Variants in PTPRN2 observed in about 807,000 individuals in gnomAD.
PTPRN2 encodes the protein receptor-type tyrosine-protein phosphatase N2.
PTPRN2 carries 74 observed loss-of-function variants against 118.8 expected under a neutral mutation model. The observed-to-expected ratio is 0.62, with a 90% confidence interval of 0.52 to 0.76. The LOEUF (loss-of-function observed/expected upper bound fraction) is 0.76. Among genes scored for constraint, PTPRN2 ranks in the 30% least tolerant of loss-of-function variants. PTPRN2 has a pLI of 0.00. For missense variants in PTPRN2, 1,481 were observed against 1,394.4 expected, an observed-to-expected ratio of 1.06 and a Z score of -0.99; for synonymous variants, 641 against 608.0, an observed-to-expected ratio of 1.05 and a Z score of -0.80.
Position 158,115,898 on chromosome 7 carries a change from C to T in PTPRN2, c.1557-4983G>A, listed in dbSNP as rs76844123. Among the ~76,000 whole-genome samples the T allele has an allele frequency of 5.1e-3, 775 of 152,308 alleles. 25 individuals carry two copies. In the East Asian group the frequency reaches 0.098, roughly 19 times the overall value. ...GACTGGGTGGGCCCTCAACTGTCTG[C>T]ACTGAGCCCATCCCTCACACTCCAC... is the stretch of plus-strand genomic sequence containing the variant. On this transcript the variant is annotated intron_variant, in intron 9 of 22. Transcript: ENST00000389418.
At chr7:158,479,070 G>A (rs1586765356) in intron 2 of PTPRN2, among the ~76,000 whole-genome samples, 1 of 152,116 alleles carries the variant, frequency 6.6e-6, no homozygotes, top group Non-Finnish European at 1.5e-5. Context: ...TGTTTCGGGG[G>A]CAGAAGAGGT....
chr7:157,741,556 G>A (rs887414600), intron 12 of PTPRN2, among the ~76,000 whole-genome samples: 8 of 152,184 alleles, frequency 5.3e-5, no homozygotes, highest in Admixed American at 1.3e-4. Flanking sequence ...CCCCGGAGAC[G>A]CTCTCTTCCT....
At chr7:158,262,590 T>G (rs1314194382) in intron 3 of PTPRN2, among the ~76,000 whole-genome samples, 2 of 88,352 alleles carry the variant, frequency 2.3e-5, no homozygotes, top group African/African-American at 9.8e-5. Flanking sequence ...GCACACACAT[T>G]CACACACATT....
chr7:158,223,990 T>G (rs1415424011), intron 3 of PTPRN2, among the ~76,000 whole-genome samples: 1 of 152,108 alleles, frequency 6.6e-6, no homozygotes, highest in East Asian at 1.9e-4. Flanking sequence ...AATGAAGGCA[T>G]GAAAACTGAA....
chr7:158,305,314 A>G (rs566558655), intron 3 of PTPRN2, among the ~76,000 whole-genome samples: 1 of 152,336 alleles, frequency 6.6e-6, no homozygotes, highest in Admixed American at 6.5e-5. Flanking sequence ...TATTTTTAAC[A>G]AGGAAAGGAC....
intron 2 of PTPRN2, among the ~76,000 whole-genome samples, chr7:158,330,621 TA>T (rs1804172129): frequency 1.1e-5 from 1 of 88,778 alleles, no homozygotes. Flanking sequence ...ACTCTCACCA[TA>T]AGAGGTGACA....
At chr7:158,249,385 A>G (rs1169633854) in intron 3 of PTPRN2, among the ~76,000 whole-genome samples, 2 of 143,606 alleles carry the variant, frequency 1.4e-5, no homozygotes, top group African/African-American at 5.3e-5. Flanking sequence ...ATACATACAC[A>G]TATCTACCAC....
chr7:158,149,414 TATAAG>T (rs1820678810), intron 6 of PTPRN2, among the ~76,000 whole-genome samples: 1 of 151,236 alleles, frequency 6.6e-6, no homozygotes. Flanking sequence ...ACATAAAATG[TATAAG>T]ATGTTACCTT....
rs143685867 is a variant in PTPRN2 at position 158,253,087 on chromosome 7, T to C, written c.278-47814A>G. Among the ~76,000 whole-genome samples, 212 of 152,280 alleles carry C rather than the reference T, an allele frequency of 1.4e-3. 1 individual carries two copies. The highest frequency in any genetic ancestry group is 2.5e-3 in the Non-Finnish European group (170 of 68,022). ...CAAACCCAACCACAGTTCCAATCTGTTTTTTAGCCAAGTGCTTTAAATATG... is the reference window on the plus strand; with the variant it reads ...CAAACCCAACCACAGTTCCAATCTGCTTTTTAGCCAAGTGCTTTAAATATG... On this transcript the variant is annotated intron_variant, in intron 3 of 22. Coordinates refer to ENST00000389418, the MANE Select transcript of PTPRN2 (RefSeq NM_002847.5).
rs532994935 is a variant in PTPRN2, at chr7:158,539,761, G to A, written c.112+47797C>T. 4.4e-4 allele frequency: 110 copies of A among 251,068 alleles called. 1 individual carries two copies. The highest frequency in any genetic ancestry group is 3.1e-3 in the South Asian group (86 of 27,632). The allele number at this position is 251,068 out of a possible 1,614,324, so 15.6% of individuals were successfully genotyped here. On this transcript the variant is annotated intron_variant, in intron 1 of 22. Transcript: ENST00000389418. Reference sequence around the variant, plus strand: ...CCTGGAGCTGATGACAGCTGGAACCGGACGGTGCACTGTGAGCCTGGAGCT... The same window carrying A: ...CCTGGAGCTGATGACAGCTGGAACCAGACGGTGCACTGTGAGCCTGGAGCT...
intron 2 of PTPRN2, among the ~76,000 whole-genome samples, chr7:158,374,664 A>C (rs1810363373): frequency 6.6e-6 from 1 of 152,228 alleles, no homozygotes; most frequent in African/African-American, 2.4e-5. Flanking sequence ...CCGTCCACAC[A>C]CAGCAAGTGG....
chr7:158,259,258 G>A (rs535319705), intron 3 of PTPRN2, among the ~76,000 whole-genome samples: 2 of 152,356 alleles, frequency 1.3e-5, no homozygotes, highest in African/African-American at 4.8e-5. Flanking sequence ...AAGGGCCACA[G>A]GCACAGGCCA....
At chr7:158,450,978 C>T (rs1315195748) in intron 2 of PTPRN2, among the ~76,000 whole-genome samples, 1 of 152,220 alleles carries the variant, frequency 6.6e-6, no homozygotes, top group Non-Finnish European at 1.5e-5. Flanking sequence ...CCAGGTGCTT[C>T]CAGGAACTCC....
chr7:157,611,904 G>A lies in PTPRN2; in HGVS notation c.2345-7829C>T, dbSNP rs1395205746. On this transcript the variant is annotated intron_variant, in intron 15 of 22. Coordinates refer to ENST00000389418, the MANE Select transcript of PTPRN2 (RefSeq NM_002847.5). The surrounding 1 kb of genome is among the most constrained non-coding windows in gnomAD (Gnocchi z 5.9). ...ACAGCCGCAGTCATGCTGGGGACAC[G>A]CGGAGGGAGAGCGCCCGTGTGAAGA... Among the ~76,000 whole-genome samples, 3 of 150,184 alleles carry A rather than the reference G, an allele frequency of 2.0e-5. No individual in the cohort carries two copies. Among genetic ancestry groups the A allele is most frequent in the East Asian group, 4.0e-4 (2 of 5,030 alleles).
At chr7:158,323,968 T>C (rs1021745030) in intron 2 of PTPRN2, among the ~76,000 whole-genome samples, 3 of 151,792 alleles carry the variant, frequency 2.0e-5, no homozygotes, top group South Asian at 2.1e-4. Context: ...CCAACACATG[T>C]ACACACACAC....
rs1361438998 is a variant in PTPRN2, at chr7:158,337,236, T to C, written c.164-20304A>G. ...CTTGCAGACGTCACTAACACCCACA[T>C]TCTCACCATAAGAGCTGACACCTGC... is the stretch of plus-strand genomic sequence containing the variant. On this transcript the variant is annotated intron_variant, in intron 2 of 22. Transcript: ENST00000389418. 4.2e-3 allele frequency among the ~76,000 whole-genome samples: 411 copies of C among 97,310 alleles called. No homozygotes were observed. The Middle Eastern group carries it at 0.042, about 10-fold the overall frequency. The allele number at this position is 97,310 out of a possible 152,430, so 63.8% of individuals were successfully genotyped here. A position where few individuals can be genotyped will look rare whatever the true frequency, so the allele number is the denominator to read the frequency against.
At chr7:158,365,396 T>C (rs1256780165) in intron 2 of PTPRN2, among the ~76,000 whole-genome samples, 7 of 152,144 alleles carry the variant, frequency 4.6e-5, no homozygotes, top group Non-Finnish European at 1.0e-4. Context: ...CACCCCTCCC[T>C]TCCCCTTCTC....
At chr7:158,582,796 CAAAAAAAAAAAA>C (rs1156687117) in intron 1 of PTPRN2, among the ~76,000 whole-genome samples, 7 of 44,294 alleles carry the variant, frequency 1.6e-4, no homozygotes, top group Admixed American at 6.4e-4. Context: ...GACTCCATCT[CAAAAAAAAAAAA>C]AAAAAAAAAA....
At chr7:158,079,375 C>T (rs1812621485) in intron 11 of PTPRN2, among the ~76,000 whole-genome samples, 1 of 152,144 alleles carries the variant, frequency 6.6e-6, no homozygotes, top group Admixed American at 6.5e-5. Flanking sequence ...CTATGTGGCT[C>T]CCCCTTGGTG....
Sources: gnomAD v4.1 joint callset for allele counts (sites outside exome capture counted in the v4.1 genomes callset) on GRCh38, gnomAD v4.1.1 for gene constraint, Gnocchi (gnomAD v3.1) non-coding constraint, MANE v1.5 for transcripts, NCBI Gene and HGNC (gene_info 2026-07-23, HGNC 2026-07-21) for gene names.